Variants in SLC26A4 observed in about 807,000 individuals in gnomAD.
SLC26A4 encodes solute carrier family 26 member 4.
A neutral mutation model predicts 90.4 loss-of-function variants in SLC26A4; 93 were observed. The ratio of observed to expected loss-of-function variants is 1.03; its 90% CI spans 0.87 to 1.22. The LOEUF (loss-of-function observed/expected upper bound fraction) is 1.22. Among genes scored for constraint, SLC26A4 ranks in the 50% most tolerant of loss-of-function variants. SLC26A4 has a pLI of 0.00. For missense variants in SLC26A4, 1,127 were observed against 946.2 expected (o/e 1.19, Z -2.51); for synonymous variants, 393 against 354.6 (o/e 1.11, Z -1.22).
chr7:107,662,972 C>T (rs1790602181), intron 2 of SLC26A4, among the ~76,000 whole-genome samples: 1 of 152,076 alleles, frequency 6.6e-6, no homozygotes, highest in Non-Finnish European at 1.5e-5. Flanking sequence ...AAAGTAATCT[C>T]CATTTAGAGA....
chr7:107,699,963 G>A (rs1791840517), intron 14 of SLC26A4, 120 bp from the exon 15 acceptor site: 1 of 692,566 alleles, frequency 1.4e-6, no homozygotes, highest in Non-Finnish European at 2.6e-6. Flanking sequence ...GAAAAGTTGA[G>A]TGCTGCTACC....
chr7:107,669,468 G>A (rs1486313344), intron 3 of SLC26A4, among the ~76,000 whole-genome samples: 5 of 152,164 alleles, frequency 3.3e-5, no homozygotes, highest in Admixed American at 1.3e-4. Flanking sequence ...ATGTCCATAT[G>A]AAATAGACAA....
In SLC26A4 at chr7:107,687,779, T is replaced by C. The variant is rs115763872; in HGVS notation, c.1002-1274T>C. Among the ~76,000 whole-genome samples, 357 of 152,238 alleles carry C rather than the reference T, an allele frequency of 2.3e-3. 3 individuals carry two copies. The highest frequency in any genetic ancestry group is 8.2e-3 in the African/African-American group (340 of 41,526). On this transcript the variant is annotated intron_variant, in intron 8 of 20. Coordinates refer to ENST00000644269, the MANE Select transcript of SLC26A4 (RefSeq NM_000441.2). Reference sequence around the variant, plus strand: ...CAAGTCCGAGTGACCTGAAGTAGGGTTGACTGGGTCTCAGGAGCAAGTCAG... The same window carrying C: ...CAAGTCCGAGTGACCTGAAGTAGGGCTGACTGGGTCTCAGGAGCAAGTCAG...
intron 3 of SLC26A4, among the ~76,000 whole-genome samples, chr7:107,670,748 G>A (rs1376011160): frequency 6.6e-6 from 1 of 152,158 alleles, no homozygotes; most frequent in Non-Finnish European, 1.5e-5. Flanking sequence ...ACTCAAGAGT[G>A]AAAAGGCTTG....
At chr7:107,682,406 T>C (rs1201655822) in intron 6 of SLC26A4, among the ~76,000 whole-genome samples, 1 of 152,044 alleles carries the variant, frequency 6.6e-6, no homozygotes, top group Non-Finnish European at 1.5e-5. Context: ...TGTAATTATA[T>C]CATTATAAAA....
At chr7:107,680,065 A>C (rs1411060812) in intron 6 of SLC26A4, among the ~76,000 whole-genome samples, 2 of 127,442 alleles carry the variant, frequency 1.6e-5, no homozygotes, top group Non-Finnish European at 3.1e-5. Flanking sequence ...ATATAATCTT[A>C]TTATATAATA....
In SLC26A4 at chr7:107,700,115, A is replaced by AT. The variant is rs1554360678; in HGVS notation, c.1651dup (p.Ser551PhefsTer13). 5 of 1,591,186 alleles carry AT rather than the reference A, an allele frequency of 3.1e-6. No individual in the cohort carries two copies. In the East Asian group the frequency reaches 1.1e-4, roughly 36 times the overall value. ...AACCTCAAGGAGTGAAGATTCTTAG[A>AT]TTTTCCAGTCCTATTTTCTATGGCA... is the stretch of plus-strand genomic sequence containing the variant. On this transcript the variant is annotated frameshift_variant, in exon 15 of 21. Coordinates refer to ENST00000644269, the MANE Select transcript of SLC26A4 (RefSeq NM_000441.2). LOFTEE classifies it high-confidence loss of function.
chr7:107,703,938 C>A (rs557080479), intron 17 of SLC26A4, among the ~76,000 whole-genome samples: 2 of 152,198 alleles, frequency 1.3e-5, no homozygotes, highest in African/African-American at 2.4e-5. Flanking sequence ...CAGTAGGACA[C>A]TGACATTCAA....
rs1365152873 is a variant in SLC26A4, at chr7:107,663,404, A to G, written c.273A>G (p.Gly91=). 8.1e-6 allele frequency: 13 copies of G among 1,613,998 alleles called. No individual in the cohort carries two copies. Among genetic ancestry groups the G allele is most frequent in the Non-Finnish European group, 1.1e-5 (13 of 1,179,972 alleles). The change falls in exon 3 of 21, where the codon GGA becomes GGG. Residue 91 remains glycine (G), a synonymous_variant. Coordinates refer to ENST00000644269, the MANE Select transcript of SLC26A4 (RefSeq NM_000441.2). The part of the protein sequence containing the change: ...KEWLLSDVIS[G]VSTGLVATLQ... ...GGCTGCTTAGTGACGTCATTTCGGG[A>G]GTTAGTACTGGGCTAGTGGCCACGC...
chr7:107,693,824 C>A (rs140435189), intron 10 of SLC26A4: 89 of 466,300 alleles, frequency 1.9e-4, no homozygotes, highest in Admixed American at 1.6e-4. Context: ...GCAGGAGACA[C>A]AATCCCACCT....
chr7:107,690,339 A>T, intron 10 of SLC26A4, 102 bp downstream of exon 10: 1 of 775,894 alleles, frequency 1.3e-6, no homozygotes, highest in Non-Finnish European at 2.3e-6. Flanking sequence ...TGCCTTTCAG[A>T]CTTGTACTTC....
intron 18 of SLC26A4, among the ~76,000 whole-genome samples, chr7:107,707,599 A>T (rs1792067642): frequency 6.6e-6 from 1 of 152,272 alleles, no homozygotes; most frequent in Non-Finnish European, 1.5e-5. Context: ...ACAACAATTT[A>T]AAATAACCAA....
In SLC26A4 at chr7:107,661,468, T is replaced by TGGGGCGCTTGTCGCGAGCGCCGA. The variant is rs1790547475; in HGVS notation, c.-3-167_-3-145dup. The TGGGGCGCTTGTCGCGAGCGCCGA allele has an allele frequency of 1.4e-6, 1 of 734,946 alleles. No homozygotes were observed. The highest frequency in any genetic ancestry group is 2.3e-6 in the Non-Finnish European group (1 of 441,760). 45.5% of individuals were successfully genotyped at this position (734,946 alleles called of 1,614,324 possible). ...CCCTGCAGGCTGGCCGTGCGCGCCG[T>TGGGGCGCTTGTCGCGAGCGCCGA]GGGGCGCTTGTCGCGAGCGCCGAGG... On this transcript the variant is annotated intron_variant, in intron 1 of 20. Coordinates refer to ENST00000644269, the MANE Select transcript of SLC26A4 (RefSeq NM_000441.2). The surrounding 1 kb of genome is among the most constrained non-coding windows in gnomAD (Gnocchi z 5.1).
chr7:107,679,848 T>A (rs1289799817), intron 6 of SLC26A4, among the ~76,000 whole-genome samples: 2 of 73,378 alleles, frequency 2.7e-5, no homozygotes, highest in Admixed American at 3.2e-4. Context: ...TATATAATCT[T>A]ATATTATTAT....
At chr7:107,703,419 A>G (rs1284143258) in intron 17 of SLC26A4, among the ~76,000 whole-genome samples, 1 of 152,196 alleles carries the variant, frequency 6.6e-6, no homozygotes, top group Non-Finnish European at 1.5e-5. Flanking sequence ...AGGGTAGAGA[A>G]GTGATTGTGC....
rs188353694 is a variant in SLC26A4, at chr7:107,716,513, A to G, written c.*1067A>G. On this transcript the variant is annotated 3_prime_UTR_variant, in exon 21 of 21. Transcript: ENST00000644269. ...AGACAAAGCATTCTAAATGAACTCA[A>G]TATAAAAACATTCATTTGGAATGTA... is the stretch of plus-strand genomic sequence containing the variant. The G allele has an allele frequency of 1.6e-4, 25 of 152,368 alleles. No individual in the cohort carries two copies. The highest frequency in any genetic ancestry group is 6.0e-4 in the African/African-American group (25 of 41,588). The allele number at this position is 152,368 out of a possible 1,614,324, so 9.4% of individuals were successfully genotyped here.
At chr7:107,706,392 G>A (rs1792038573) in intron 18 of SLC26A4, among the ~76,000 whole-genome samples, 1 of 152,202 alleles carries the variant, frequency 6.6e-6, no homozygotes, top group Admixed American at 6.5e-5. Flanking sequence ...AGGCTGCAGT[G>A]CACTATGATT....
Position 107,689,102 on chromosome 7 carries a change from G to T in SLC26A4, c.1051G>T (p.Ala351Ser). The T allele has an allele frequency of 6.2e-7, 1 of 1,613,902 alleles. No homozygotes were observed. The highest frequency in any genetic ancestry group is 8.5e-7 in the Non-Finnish European group (1 of 1,179,846). ...TGTGAGCTTGTTCTCGGAGATGCTGGCTGCATCATTTTCCATCGCTGTGGT... is the reference window on the plus strand; with the variant it reads ...TGTGAGCTTGTTCTCGGAGATGCTGTCTGCATCATTTTCCATCGCTGTGGT... ...PPVSLFSEML[A>S]ASFSIAVVAY... Residue 351 changes from alanine (A) to serine (S), a missense_variant, in exon 9 of 21, where the codon GCT (alanine) becomes TCT (serine). Physicochemically the swap from Ala to Ser is moderately conservative, Grantham distance 99. Transcript: ENST00000644269.
chr7:107,691,133 A>ACACACACACATG (rs1264759298), intron 10 of SLC26A4, among the ~76,000 whole-genome samples: 2 of 151,534 alleles, frequency 1.3e-5, no homozygotes, highest in Non-Finnish European at 2.9e-5. Flanking sequence ...ACACACACAC[A>ACACACACACATG]CACACACACA....
Sources: allele counts gnomAD v4.1 joint callset (sites outside exome capture counted in the v4.1 genomes callset), GRCh38; gene constraint gnomAD v4.1.1; non-coding constraint Gnocchi (gnomAD v3.1); transcripts MANE v1.5; gene names NCBI Gene and HGNC (gene_info 2026-07-23, HGNC 2026-07-21).